Variants in POLR1C observed in about 807,000 individuals in gnomAD.
POLR1C encodes the protein DNA-directed RNA polymerases I and III subunit RPAC1.
A neutral mutation model predicts 38.3 loss-of-function variants in POLR1C; 42 were observed. The ratio of observed to expected loss-of-function variants is 1.10; its 90% CI spans 0.86 to 1.42. The LOEUF (loss-of-function observed/expected upper bound fraction) is 1.42, where lower values mean the gene tolerates loss of function less well. Ranked by LOEUF, POLR1C falls within the 40% of genes most tolerant of loss-of-function variation. POLR1C has a pLI of 0.00. For synonymous variants in POLR1C, 163 were observed against 163.9 expected (o/e 0.99, Z 0.04); for missense variants, 507 against 450.5 (o/e 1.13, Z -1.14).
downstream of POLR1C, among the ~76,000 whole-genome samples, chr6:43,524,253 G>C (rs1446587578): frequency 6.6e-6 from 1 of 151,844 alleles, no homozygotes; most frequent in Non-Finnish European, 1.5e-5. Context: ...TTGGGAGGCT[G>C]AGGCAGGAGA....
chr6:43,517,308 C>T lies in POLR1C; in HGVS notation c.72C>T (p.Val24=), dbSNP rs771493260. The T allele has an allele frequency of 2.5e-6, 4 of 1,613,968 alleles. No individual in the cohort carries two copies. The highest frequency in any genetic ancestry group is 3.4e-6 in the Non-Finnish European group (4 of 1,179,876). ...VVLGEFGVRN[V]HTTDFPGNYS... ...ACAAATTCGTCCCTTTGCTCTAGGT[C>T]CATACTACTGACTTTCCCGGTAACT... The change falls in exon 2 of 9, where the codon GTC becomes GTT. Residue 24 remains valine (V), a splice_region_variant and synonymous_variant. Transcript: ENST00000642195.
intron 10 of POLR1C, chr6:43,560,027 CAG>C (rs1582236857): frequency 1.1e-6 from 1 of 932,066 alleles, no homozygotes; most frequent in East Asian, 2.8e-5. Context: ...CCATGTCGCA[CAG>C]GCTGGTCTCC....
Position 43,521,344 on chromosome 6 carries a change from G to A in POLR1C, c.*44G>A, listed in dbSNP as rs2127692290. On this transcript the variant is annotated 3_prime_UTR_variant, in exon 9 of 9. Transcript: ENST00000642195. ...CAAGCTGAAGCTTTGGGTTCTGACT[G>A]ACCCACCCTACAGGACTGCTGAACA... The A allele has an allele frequency of 6.2e-7, 1 of 1,611,304 alleles. No individual in the cohort carries two copies. Among genetic ancestry groups the A allele is most frequent in the African/African-American group, 1.3e-5 (1 of 74,948 alleles).
intron 2 of POLR1C, among the ~76,000 whole-genome samples, chr6:43,517,894 GT>G (rs1261557314): frequency 6.6e-6 from 1 of 152,150 alleles, no homozygotes; most frequent in African/African-American, 2.4e-5. Context: ...ATTACTGAAT[GT>G]TACCGTTTAG....
downstream of POLR1C, chr6:43,530,565 T>TA: frequency 8.4e-7 from 1 of 1,187,480 alleles, no homozygotes; most frequent in Non-Finnish European, 1.2e-6. Context: ...ATGATACACT[T>TA]AGATACATAA....
chr6:43,524,984 T>G, downstream of POLR1C: 1 of 1,611,650 alleles, frequency 6.2e-7, no homozygotes, highest in Non-Finnish European at 8.5e-7. Context: ...GAGACAACTG[T>G]GCTTTAGGGC....
At chr6:43,528,174 TG>T in intron 8 of POLR1C, 1 of 1,594,690 alleles carries the variant, frequency 6.3e-7, no homozygotes, top group Non-Finnish European at 8.5e-7. Flanking sequence ...CAGGCTCCTT[TG>T]GTTGATAACT....
At chr6:43,528,344 AC>A in intron 8 of POLR1C, 1 of 776,236 alleles carries the variant, frequency 1.3e-6, no homozygotes, top group Non-Finnish European at 2.1e-6. Context: ...TAGACTCCAC[AC>A]CACAAGGTTA....
At chr6:43,533,116 CAG>C (rs1215281619), downstream of POLR1C, among the ~76,000 whole-genome samples, 1 of 151,968 alleles carries the variant, frequency 6.6e-6, no homozygotes, top group African/African-American at 2.4e-5. Flanking sequence ...GCCTGGGTGA[CAG>C]AGTGAGACTC....
At chr6:43,555,896 T>C (rs377017230) in intron 10 of POLR1C, 2 of 1,613,974 alleles carry the variant, frequency 1.2e-6, no homozygotes, top group East Asian at 2.2e-5. Flanking sequence ...TCCCCAGCCA[T>C]CTGGAAGCTA....
At chr6:43,542,984 G>A (rs1794779947) in intron 9 of POLR1C, among the ~76,000 whole-genome samples, 1 of 152,084 alleles carries the variant, frequency 6.6e-6, no homozygotes, top group Non-Finnish European at 1.5e-5. Context: ...AGGCTGAATA[G>A]TTACAGCATA....
chr6:43,555,988 A>G, intron 10 of POLR1C: 1 of 1,612,252 alleles, frequency 6.2e-7, no homozygotes, highest in Non-Finnish European at 8.5e-7. Flanking sequence ...ATGCCAAGGG[A>G]AGGACAGGAA....
intron 8 of POLR1C, chr6:43,529,173 A>T (rs1164019096): frequency 1.2e-5 from 18 of 1,479,492 alleles, no homozygotes; most frequent in Non-Finnish European, 1.5e-5. Context: ...ACTGGCCCAA[A>T]AAGTAGGAAT....
intron 9 of POLR1C, among the ~76,000 whole-genome samples, chr6:43,550,353 T>A (rs1795169093): frequency 1.3e-5 from 2 of 152,202 alleles, no homozygotes; most frequent in African/African-American, 4.8e-5. Context: ...AAGAGTGTAG[T>A]CAAGAAACTC....
chr6:43,553,526 T>TAC (rs111634867), intron 10 of POLR1C: 81,998 of 1,440,796 alleles, frequency 0.057, 1,271 homozygotes, highest in African/African-American at 0.21. Context: ...CACACACACA[T>TAC]ACACACACAC....
In POLR1C at chr6:43,517,343, A is replaced by T. The variant is rs773973361; in HGVS notation, c.107A>T (p.Tyr36Phe). The change falls in exon 2 of 9, where the codon TAT (tyrosine) becomes TTT (phenylalanine). Residue 36 changes from tyrosine (Y) to phenylalanine (F), a missense_variant. Transcript: ENST00000642195. ...TTDFPGNYSG[Y>F]DDAWDQDRFE... ...GACTTTCCCGGTAACTATTCCGGTT[A>T]TGATGATGCCTGGGACCAGGACCGC... The T allele has an allele frequency of 2.0e-5, 32 of 1,614,124 alleles. No individual in the cohort carries two copies. Among genetic ancestry groups the T allele is most frequent in the Non-Finnish European group, 2.6e-5 (31 of 1,180,022 alleles).
chr6:43,557,194 A>G (rs1199556936), intron 10 of POLR1C, among the ~76,000 whole-genome samples: 1 of 150,366 alleles, frequency 6.7e-6, no homozygotes, highest in Non-Finnish European at 1.5e-5. Flanking sequence ...TGGGAAGCCG[A>G]GGCGGGTGGA....
At chr6:43,525,826 T>C (rs775536769), downstream of POLR1C, 9 of 1,613,764 alleles carry the variant, frequency 5.6e-6, no homozygotes, top group Admixed American at 3.3e-5. Flanking sequence ...TATCACCTGC[T>C]CCTTCTACCC....
intron 10 of POLR1C, among the ~76,000 whole-genome samples, chr6:43,557,228 C>T (rs1762141251): frequency 6.6e-6 from 1 of 151,342 alleles, no homozygotes; most frequent in South Asian, 2.1e-4. Flanking sequence ...AGATTGAGAC[C>T]ATCCTGGCTA....
Sources: gnomAD v4.1 joint callset for allele counts (sites outside exome capture counted in the v4.1 genomes callset) on GRCh38, gnomAD v4.1.1 for gene constraint, MANE v1.5 for transcripts, NCBI Gene and HGNC (gene_info 2026-07-23, HGNC 2026-07-21) for gene names.